Variants in SAYSD1 observed in about 807,000 individuals in gnomAD.
SAYSD1 encodes SAYSvFN domain-containing protein 1.
Under a neutral mutation model 14.5 loss-of-function variants are expected in SAYSD1, and 15 were observed. The ratio of observed to expected loss-of-function variants is 1.03; its 90% CI spans 0.69 to 1.59. The LOEUF (loss-of-function observed/expected upper bound fraction) is 1.59, where lower values mean the gene tolerates loss of function less well. Among genes scored for constraint, SAYSD1 ranks in the 40% most tolerant of loss-of-function variants. The pLI, the probability that SAYSD1 is intolerant of heterozygous loss-of-function variation, is 0.00. For missense variants in SAYSD1, 247 were observed against 227.3 expected, an observed-to-expected ratio of 1.09 and a Z score of -0.56; for synonymous variants, 105 against 102.6, an observed-to-expected ratio of 1.02 and a Z score of -0.14.
At chr6:39,109,122 A>C (rs1418856518) in intron 1 of SAYSD1, among the ~76,000 whole-genome samples, 1 of 152,188 alleles carries the variant, frequency 6.6e-6, no homozygotes, top group African/African-American at 2.4e-5. Context: ...GGTGAGGCAC[A>C]GCTGTGCTTA....
At position 39,114,884 on chromosome 6, in the gene SAYSD1, T is replaced by G. The variant is rs776222220; in HGVS notation, c.206A>C (p.Gln69Pro). The G allele has an allele frequency of 3.7e-6, 6 of 1,611,820 alleles. No homozygotes were observed. In the South Asian group the frequency reaches 4.4e-5, roughly 12 times the overall value. ...GGGCCGAAGTTTCCATCGTCTCACC[T>G]GAACTAGGCCGGGCTGGGCCCGGGC... ...ASARAQPGLV[Q>P]EAAQPQGSTS... Residue 69 changes from glutamine to proline, a missense_variant and splice_region_variant, in exon 1 of 2, where the codon CAG (glutamine) becomes CCG (proline). Physicochemically the swap from Gln to Pro is moderately conservative, Grantham distance 76 (BLOSUM62 -1). Coordinates refer to ENST00000229903, the MANE Select transcript of SAYSD1 (RefSeq NM_018322.3).
At chr6:39,109,389 T>C (rs1769583207) in intron 1 of SAYSD1, 3 of 1,550,552 alleles carry the variant, frequency 1.9e-6, no homozygotes, top group Non-Finnish European at 2.6e-6. Context: ...AAGCAAAATC[T>C]GGTAGTGGGA....
In SAYSD1 at chr6:39,105,412, C is replaced by T; in HGVS notation, c.*20G>A. On this transcript the variant is annotated 3_prime_UTR_variant, in exon 2 of 2. Transcript: ENST00000229903. ...GGAAGACCACATCAGAGGTTAGCTGCATGACAGCACAGCTGGGTCCTATCT... is the reference window on the plus strand; with the variant it reads ...GGAAGACCACATCAGAGGTTAGCTGTATGACAGCACAGCTGGGTCCTATCT... The T allele has an allele frequency of 6.2e-7, 1 of 1,604,628 alleles. No individual in the cohort carries two copies. The highest frequency in any genetic ancestry group is 8.5e-7 in the Non-Finnish European group (1 of 1,172,756).
At position 39,115,082 on chromosome 6, in the gene SAYSD1, T is replaced by G. The variant is rs771379087; in HGVS notation, c.8A>C (p.Gln3Pro). The G allele has an allele frequency of 6.2e-7, 1 of 1,605,026 alleles. No individual in the cohort carries two copies. Among genetic ancestry groups the G allele is most frequent in the African/African-American group, 1.3e-5 (1 of 75,018 alleles). MEQRLAEFRAARK... is the reference protein window; with the variant it reads MEPRLAEFRAARK... Reference sequence around the variant, plus strand: ...CGCCGCCCGAAACTCAGCTAACCGCTGTTCCATGGCGCGCGCCTCGCGTCC... The same window carrying G: ...CGCCGCCCGAAACTCAGCTAACCGCGGTTCCATGGCGCGCGCCTCGCGTCC... Residue 3 changes from glutamine to proline, a missense_variant, in exon 1 of 2, where the codon CAG becomes CCG. Gln to Pro is a moderately conservative substitution (Grantham distance 76, BLOSUM62 -1). Transcript: ENST00000229903.
chr6:39,105,674 A>T lies in SAYSD1; in HGVS notation c.310T>A (p.Leu104Met). The T allele has an allele frequency of 6.2e-7, 1 of 1,614,212 alleles. No individual in the cohort carries two copies. The highest frequency in any genetic ancestry group is 8.5e-7 in the Non-Finnish European group (1 of 1,180,022). The change falls in exon 2 of 2, where the codon TTG becomes ATG. Residue 104 changes from leucine (L) to methionine (M), a missense_variant. Leu to Met is a conservative substitution (Grantham distance 15, BLOSUM62 2). Transcript: ENST00000229903. ...DQSFLTNITF[L>M]KVLLWLVLLG... ...AGGACCAACCAGAGAAGAACCTTCAAGAAGGTGATATTGGTCAGGAAAGAC... is the reference window on the plus strand; with the variant it reads ...AGGACCAACCAGAGAAGAACCTTCATGAAGGTGATATTGGTCAGGAAAGAC...
At position 39,105,727 on chromosome 6, in the gene SAYSD1, GCT is replaced by G; in HGVS notation, c.255_256del (p.Ala86HisfsTer56). On this transcript the variant is annotated frameshift_variant, in exon 2 of 2. Transcript: ENST00000229903. LOFTEE classifies it high-confidence loss of function. ...GTCCCAGCACGACGGCAGAGGAATGGCTGTGTTCCATGGTGTCTCTGATGTGC... is the reference window on the plus strand; with the variant it reads ...GTCCCAGCACGACGGCAGAGGAATGGGTGTTCCATGGTGTCTCTGATGTGC... 6.2e-7 allele frequency: 1 copy of G among 1,614,202 alleles called. No homozygotes were observed. The highest frequency in any genetic ancestry group is 8.5e-7 in the Non-Finnish European group (1 of 1,180,012).
Position 39,115,058 on chromosome 6 carries a change from G to A in SAYSD1, c.32C>T (p.Ala11Val), listed in dbSNP as rs780997916. The A allele has an allele frequency of 5.6e-6, 9 of 1,610,000 alleles. No homozygotes were observed. The highest frequency in any genetic ancestry group is 7.6e-6 in the Non-Finnish European group (9 of 1,179,790). The change falls in exon 1 of 2, where the codon GCG (alanine) becomes GTG (valine). Residue 11 changes from alanine (A) to valine (V), a missense_variant. Coordinates refer to ENST00000229903, the MANE Select transcript of SAYSD1 (RefSeq NM_018322.3). ...GGCCGCCAGACCCGCCCGTTTCCGC[G>A]CCGCCCGAAACTCAGCTAACCGCTG... MEQRLAEFRA[A>V]RKRAGLAAQP...
chr6:39,112,030 A>C (rs1418974114), intron 1 of SAYSD1: 2 of 152,204 alleles, frequency 1.3e-5, no homozygotes, highest in Admixed American at 1.3e-4. Context: ...GCTTAAACTG[A>C]CTATCGGATC....
intron 1 of SAYSD1, chr6:39,109,511 C>T: frequency 6.8e-7 from 1 of 1,465,086 alleles, no homozygotes. Context: ...AGAGCTTGGC[C>T]CAAATGGAGG....
At chr6:39,110,138 A>G (rs970325129) in intron 1 of SAYSD1, among the ~76,000 whole-genome samples, 7 of 152,122 alleles carry the variant, frequency 4.6e-5, no homozygotes, top group African/African-American at 1.7e-4. Context: ...TGATTTCAGT[A>G]TATGTGCACA....
intron 1 of SAYSD1, among the ~76,000 whole-genome samples, chr6:39,106,173 T>C (rs1042844851): frequency 1.1e-4 from 17 of 152,030 alleles, no homozygotes; most frequent in African/African-American, 3.4e-4. Context: ...TTGGATTAGA[T>C]GACCTAAAAT....
At position 39,105,124 on chromosome 6, in the gene SAYSD1, CA is replaced by C. The variant is rs1168553963; in HGVS notation, c.*307del. 1 of 330,434 alleles carries C rather than the reference CA, an allele frequency of 3.0e-6. No homozygotes were observed. The highest frequency in any genetic ancestry group is 5.6e-6 in the Non-Finnish European group (1 of 179,194). The allele number at this position is 330,434 out of a possible 1,614,324, so 20.5% of individuals were successfully genotyped here. On this transcript the variant is annotated 3_prime_UTR_variant, in exon 2 of 2. Coordinates refer to ENST00000229903, the MANE Select transcript of SAYSD1 (RefSeq NM_018322.3). ...GGATGTTTTAAGCTGAGAATCTCCC[CA>C]GTGCCTTTCTAGTGCTCTAAAATCA...
chr6:39,112,032 T>C lies in SAYSD1; in HGVS notation c.207+2851A>G, dbSNP rs1190534268. ...AAGTAAAAGAACAGCTTAAACTGAC[T>C]ATCGGATCACTAGAAATAGAATTGA... On this transcript the variant is annotated intron_variant, in intron 1 of 1. Transcript: ENST00000229903. 2.6e-5 allele frequency: 4 copies of C among 152,270 alleles called. No homozygotes were observed. The East Asian group carries it at 7.7e-4, about 29-fold the overall frequency. The allele number at this position is 152,270 out of a possible 1,614,324, so 9.4% of individuals were successfully genotyped here.
intron 1 of SAYSD1, among the ~76,000 whole-genome samples, chr6:39,106,028 C>T (rs770047634): frequency 3.3e-5 from 5 of 152,150 alleles, no homozygotes; most frequent in Non-Finnish European, 7.4e-5. Context: ...GATTCTTATT[C>T]GTGGGAGTCA....
At chr6:39,107,774 C>T (rs1284390688) in intron 1 of SAYSD1, among the ~76,000 whole-genome samples, 1 of 152,162 alleles carries the variant, frequency 6.6e-6, no homozygotes, top group Admixed American at 6.5e-5. Flanking sequence ...TCAGATTTGA[C>T]ATGCATGCAC....
chr6:39,109,242 G>T, intron 1 of SAYSD1: 1 of 1,387,284 alleles, frequency 7.2e-7, no homozygotes, highest in Non-Finnish European at 1.0e-6. Context: ...GCAGGGTGGT[G>T]TGCTGGGGGC....
chr6:39,105,422 C>G lies in SAYSD1; in HGVS notation c.*10G>C. On this transcript the variant is annotated 3_prime_UTR_variant, in exon 2 of 2. Transcript: ENST00000229903. ...ATCAGAGGTTAGCTGCATGACAGCA[C>G]AGCTGGGTCCTATCTCCCTGCCAGG... The G allele has an allele frequency of 6.2e-7, 1 of 1,611,614 alleles. No homozygotes were observed. The highest frequency in any genetic ancestry group is 8.5e-7 in the Non-Finnish European group (1 of 1,178,372).
intron 1 of SAYSD1, chr6:39,109,228 T>C: frequency 1.6e-6 from 2 of 1,264,130 alleles, no homozygotes. Context: ...AAATGGGTTC[T>C]GGGGCAGGGT....
intron 1 of SAYSD1, among the ~76,000 whole-genome samples, chr6:39,110,166 T>C (rs1181126093): frequency 6.6e-6 from 1 of 152,230 alleles, no homozygotes; most frequent in Non-Finnish European, 1.5e-5. Context: ...GGTATTCCAT[T>C]GTGAATGAAT....
Sources: gnomAD v4.1 joint callset for allele counts (sites outside exome capture counted in the v4.1 genomes callset) on GRCh38, gnomAD v4.1.1 for gene constraint, MANE v1.5 for transcripts, NCBI Gene and HGNC (gene_info 2026-07-23, HGNC 2026-07-21) for gene names.